The following MAP2K1 variants were observed in gnomAD, a reference collection of about 807,000 sequenced individuals.
The protein encoded by MAP2K1 is dual specificity mitogen-activated protein kinase kinase 1.
Under a neutral mutation model 46.3 loss-of-function variants are expected in MAP2K1, and 16 were observed. The ratio of observed to expected loss-of-function variants is 0.35; its 90% CI spans 0.23 to 0.52. The LOEUF (loss-of-function observed/expected upper bound fraction) is 0.52, where lower values mean the gene tolerates loss of function less well. MAP2K1 is among the 20% of genes least tolerant of loss of function. MAP2K1 has a pLI of 0.94. For missense variants in MAP2K1, 263 were observed against 497.1 expected, an observed-to-expected ratio of 0.53 and a Z score of 4.48; for synonymous variants, 183 against 185.6, an observed-to-expected ratio of 0.99 and a Z score of 0.11.
intron 5 of MAP2K1, among the ~76,000 whole-genome samples, chr15:66,471,891 A>G (rs1355863669): frequency 2.6e-5 from 4 of 152,128 alleles, no homozygotes; most frequent in Admixed American, 6.5e-5. Context: ...AGCCTGGCCA[A>G]CATGGTGAAA....
chr15:66,462,422 G>C (rs1391884658), intron 5 of MAP2K1, among the ~76,000 whole-genome samples: 2 of 151,054 alleles, frequency 1.3e-5, no homozygotes, highest in Non-Finnish European at 2.9e-5. Flanking sequence ...GCTTGAACCC[G>C]GGAGGCGGAG....
At position 66,443,272 on chromosome 15, in the gene MAP2K1, G is replaced by A. The variant is rs747709090; in HGVS notation, c.439-8G>A. ...TGTCACTAACTGGTCTGGTATTCTC[G>A]ATCTTAGGATGGAGGTTCTCTGGAT... On this transcript the variant is annotated splice_region_variant and splice_polypyrimidine_tract_variant and intron_variant, in intron 3 of 10. Coordinates refer to ENST00000307102, the MANE Select transcript of MAP2K1 (RefSeq NM_002755.4). 48 of 1,584,508 alleles carry A rather than the reference G, an allele frequency of 3.0e-5. No homozygotes were observed. The highest frequency in any genetic ancestry group is 1.7e-4 in the Middle Eastern group (1 of 6,022).
chr15:66,421,627 C>G (rs2093443786), intron 1 of MAP2K1, among the ~76,000 whole-genome samples: 2 of 151,450 alleles, frequency 1.3e-5, no homozygotes, highest in Admixed American at 1.3e-4. Flanking sequence ...ATGGTGAAAT[C>G]CTGTCTCTAC....
At chr15:66,396,219 G>A (rs1409423992) in intron 1 of MAP2K1, among the ~76,000 whole-genome samples, 11 of 152,076 alleles carry the variant, frequency 7.2e-5, no homozygotes, top group Non-Finnish European at 1.3e-4. Context: ...CCTCGATGTC[G>A]TGATCCGCCC....
rs144332335 is a variant in MAP2K1, at chr15:66,407,897, A to G, written c.80+20470A>G. Among the ~76,000 whole-genome samples, 94 of 152,358 alleles carry G rather than the reference A, an allele frequency of 6.2e-4. 1 individual carries two copies. Among genetic ancestry groups the G allele is most frequent in the Middle Eastern group, 3.4e-3 (1 of 294 alleles). ...AAAGTAAGGTTAAGAGAAGTTGGCT[A>G]TGTCACACAGTATGTTCTATTTGGA... On this transcript the variant is annotated intron_variant, in intron 1 of 10. Coordinates refer to ENST00000307102, the MANE Select transcript of MAP2K1 (RefSeq NM_002755.4).
At chr15:66,405,896 C>G (rs1595842886) in intron 1 of MAP2K1, among the ~76,000 whole-genome samples, 1 of 152,218 alleles carries the variant, frequency 6.6e-6, no homozygotes, top group Non-Finnish European at 1.5e-5. Context: ...ATTGAACTTG[C>G]AGCTGCTAAC....
At position 66,469,472 on chromosome 15, in the gene MAP2K1, CTTTTTTTTTTTTTTTT is replaced by C. The variant is rs370379739; in HGVS notation, c.569-12271_569-12256del. ...TCCCCCAAAGGGAGTCTGGTGCCTCCTTTTTTTTTTTTTTTTTTTTTTTTTTTGTTGAGGAACTCCA... is the reference window on the plus strand; with the variant it reads ...TCCCCCAAAGGGAGTCTGGTGCCTCCTTTTTTTTTTTGTTGAGGAACTCCA... On this transcript the variant is annotated intron_variant, in intron 5 of 10. Transcript: ENST00000307102. Among the ~76,000 whole-genome samples the C allele has an allele frequency of 1.4e-3, 107 of 76,610 alleles. 2 individuals are homozygous for C. The highest frequency in any genetic ancestry group is 1.9e-3 in the Non-Finnish European group (85 of 44,478). 50.3% of individuals were successfully genotyped at this position (76,610 alleles called of 152,430 possible). A position where few individuals can be genotyped will look rare whatever the true frequency, so the allele number is the denominator to read the frequency against.
chr15:66,407,814 C>T (rs962829938), intron 1 of MAP2K1, among the ~76,000 whole-genome samples: 3 of 152,172 alleles, frequency 2.0e-5, no homozygotes, highest in African/African-American at 7.2e-5. Flanking sequence ...TACACCCCAG[C>T]CTGGCCAACA....
At chr15:66,405,001 A>C (rs1167742145) in intron 1 of MAP2K1, among the ~76,000 whole-genome samples, 1 of 152,268 alleles carries the variant, frequency 6.6e-6, no homozygotes, top group African/African-American at 2.4e-5. Flanking sequence ...TGGAACTTGT[A>C]TCCCTAGAGG....
intron 5 of MAP2K1, among the ~76,000 whole-genome samples, chr15:66,454,271 T>C (rs939182309): frequency 6.6e-6 from 1 of 150,952 alleles, no homozygotes; most frequent in African/African-American, 2.4e-5. Flanking sequence ...TGGGAGGAGC[T>C]ATGAAATATG....
intron 1 of MAP2K1, among the ~76,000 whole-genome samples, chr15:66,423,585 C>T (rs1445269424): frequency 4.0e-5 from 6 of 148,624 alleles, no homozygotes; most frequent in Non-Finnish European, 8.9e-5. Flanking sequence ...TTACAGGTGC[C>T]TGCCACCATG....
At chr15:66,434,973 T>TTGGGTTGACTTCTC in intron 1 of MAP2K1, 54 bp from the exon 2 acceptor site, 1 of 1,151,838 alleles carries the variant, frequency 8.7e-7, no homozygotes, top group South Asian at 1.2e-5. Context: ...GAGTACTTCT[T>TTGGGTTGACTTCTC]TGGGTTGACT....
chr15:66,485,148 TGAGACCCCACCCAGGCCAAGGACCCCCGG>T lies in MAP2K1; in HGVS notation c.856_884del (p.Thr286AlafsTer3), dbSNP rs1379917340. ...GGTGCCAGGTGGAAGGAGATGCGGC[TGAGACCCCACCCAGGCCAAGGACCCCCGG>T]GAGGCCCCTTAGCTGTGAGTAGCCT... On this transcript the variant is annotated frameshift_variant, in exon 7 of 11. Transcript: ENST00000307102. LOFTEE classifies it high-confidence loss of function. The T allele has an allele frequency of 6.2e-7, 1 of 1,614,026 alleles. No homozygotes were observed.
intron 1 of MAP2K1, among the ~76,000 whole-genome samples, chr15:66,395,213 A>C (rs1235206789): frequency 6.6e-6 from 1 of 152,204 alleles, no homozygotes; most frequent in African/African-American, 2.4e-5. Flanking sequence ...CCTATGATGA[A>C]GTTTAATTTA....
chr15:66,408,238 T>G (rs749771), intron 1 of MAP2K1, among the ~76,000 whole-genome samples: 137,418 of 152,240 alleles, frequency 0.9, 63,672 homozygotes, highest in East Asian at 1. Context: ...AAAATTCTTA[T>G]TTCCCAAAGA....
At chr15:66,405,366 T>A (rs1222210193) in intron 1 of MAP2K1, among the ~76,000 whole-genome samples, 1 of 152,224 alleles carries the variant, frequency 6.6e-6, no homozygotes, top group Non-Finnish European at 1.5e-5. Context: ...CTGCCCACAT[T>A]TCAAGGGCTC....
intron 5 of MAP2K1, among the ~76,000 whole-genome samples, chr15:66,449,558 T>C (rs914634238): frequency 1.3e-5 from 2 of 152,170 alleles, no homozygotes; most frequent in African/African-American, 4.8e-5. Context: ...GTGAACATTT[T>C]TGAAAATGCA....
intron 5 of MAP2K1, among the ~76,000 whole-genome samples, chr15:66,467,900 T>C (rs1425863876): frequency 6.6e-6 from 1 of 152,252 alleles, no homozygotes; most frequent in Non-Finnish European, 1.5e-5. Flanking sequence ...GCTGGGTTTA[T>C]AGTTTTGTAA....
chr15:66,446,652 G>C (rs569559074), intron 5 of MAP2K1: 4 of 391,916 alleles, frequency 1.0e-5, no homozygotes, highest in Non-Finnish European at 1.7e-5. Flanking sequence ...CACATCTCTT[G>C]CCCAAATAGA....
Sources: gnomAD v4.1 joint callset for allele counts (sites outside exome capture counted in the v4.1 genomes callset) on GRCh38, gnomAD v4.1.1 for gene constraint, MANE v1.5 for transcripts, NCBI Gene and HGNC (gene_info 2026-07-23, HGNC 2026-07-21) for gene names.